ITGA9: variants seen among roughly 807,000 people sequenced by gnomAD.
The protein encoded by ITGA9 is integrin alpha-9.
Under a neutral mutation model 127.8 loss-of-function variants are expected in ITGA9, and 56 were observed. That is an observed-to-expected ratio of 0.44 (90% CI 0.35 to 0.55). The LOEUF (loss-of-function observed/expected upper bound fraction) is 0.55, where lower values mean the gene tolerates loss of function less well. Ranked by LOEUF, ITGA9 falls within the 20% of genes least tolerant of loss-of-function variation. The pLI is 0.00. For missense variants in ITGA9, 1,196 were observed against 1,347.1 expected, an observed-to-expected ratio of 0.89 and a Z score of 1.76; for synonymous variants, 508 against 514.5, an observed-to-expected ratio of 0.99 and a Z score of 0.17.
intron 20 of ITGA9, 150 bp downstream of exon 20, chr3:37,737,133 T>C (rs994273586): frequency 2.6e-5 from 18 of 686,952 alleles, no homozygotes; most frequent in Admixed American, 4.2e-5. Context: ...CAAAGTGGAA[T>C]TGGATTTCTT....
chr3:37,770,501 C>T (rs2685100), intron 23 of ITGA9, among the ~76,000 whole-genome samples: 84,506 of 151,966 alleles, frequency 0.56, 24,714 homozygotes, highest in African/African-American at 0.73. Flanking sequence ...AAGTGCCTGA[C>T]TGAGCCTACA....
chr3:37,618,374 TC>T (rs1700095326), intron 15 of ITGA9, among the ~76,000 whole-genome samples: 1 of 152,232 alleles, frequency 6.6e-6, no homozygotes, highest in Non-Finnish European at 1.5e-5. Context: ...CTGCCCCTAC[TC>T]GGGGATGCCT....
chr3:37,623,041 T>C (rs1700142312), intron 15 of ITGA9, among the ~76,000 whole-genome samples: 1 of 152,170 alleles, frequency 6.6e-6, no homozygotes, highest in African/African-American at 2.4e-5. Context: ...GATCTGGATA[T>C]TTCCTATTGA....
At chr3:37,496,206 A>G (rs78066672) in intron 5 of ITGA9, among the ~76,000 whole-genome samples, 7,262 of 152,294 alleles carry the variant, frequency 0.048, 480 homozygotes, top group South Asian at 0.2. Context: ...AAAGGCAGAA[A>G]GTCTGAAGTT....
intron 18 of ITGA9, among the ~76,000 whole-genome samples, chr3:37,724,189 A>T (rs1241237068): frequency 2.6e-5 from 4 of 152,076 alleles, no homozygotes; most frequent in Non-Finnish European, 4.4e-5. Context: ...GTGCTACCCT[A>T]TACTAGCCTT....
At chr3:37,787,110 T>G (rs760423218) in intron 26 of ITGA9, among the ~76,000 whole-genome samples, 1 of 152,152 alleles carries the variant, frequency 6.6e-6, no homozygotes, top group Non-Finnish European at 1.5e-5. Flanking sequence ...ACCTGGGAAG[T>G]GAAAAAGAAA....
At chr3:37,644,236 C>CA (rs769728085) in intron 16 of ITGA9, among the ~76,000 whole-genome samples, 4 of 152,206 alleles carry the variant, frequency 2.6e-5, no homozygotes, top group Non-Finnish European at 5.9e-5. Flanking sequence ...ACCAAGCAGT[C>CA]AGCCCTGCTC....
chr3:37,612,573 A>G (rs1700033678), intron 15 of ITGA9, among the ~76,000 whole-genome samples: 1 of 152,228 alleles, frequency 6.6e-6, no homozygotes. Context: ...AATTTCAGTT[A>G]GAGGTTAATA....
At chr3:37,810,657 C>T (rs1406443198) in intron 27 of ITGA9, among the ~76,000 whole-genome samples, 1 of 151,946 alleles carries the variant, frequency 6.6e-6, no homozygotes, top group Non-Finnish European at 1.5e-5. Context: ...CTCAAGTGAT[C>T]CACCCACCTT....
intron 1 of ITGA9, among the ~76,000 whole-genome samples, chr3:37,466,099 C>T (rs775837799): frequency 9.2e-5 from 14 of 152,124 alleles, no homozygotes; most frequent in Non-Finnish European, 1.9e-4. Context: ...CCGCAATGAG[C>T]CTAACCCAGC....
chr3:37,603,156 G>A lies in ITGA9; in HGVS notation c.1690-26031G>A, dbSNP rs57275491. On this transcript the variant is annotated intron_variant, in intron 15 of 27. Coordinates refer to ENST00000264741, the MANE Select transcript of ITGA9 (RefSeq NM_002207.3). ...GTATCTTTAAGGTCTAGGCCTTATC[G>A]AATGGGGTTTAGTCACTCAGTACAG... 4.0e-3 allele frequency among the ~76,000 whole-genome samples: 608 copies of A among 152,242 alleles called. 8 individuals are homozygous for A. The highest frequency in any genetic ancestry group is 0.013 in the African/African-American group (556 of 41,526).
chr3:37,484,640 CT>C (rs2125560370), intron 4 of ITGA9, among the ~76,000 whole-genome samples: 1 of 152,218 alleles, frequency 6.6e-6, no homozygotes, highest in East Asian at 1.9e-4. Context: ...CTGAGTTTTT[CT>C]TTCTAATCTG....
intron 15 of ITGA9, among the ~76,000 whole-genome samples, chr3:37,624,113 T>C (rs551203178): frequency 6.6e-6 from 1 of 152,076 alleles, no homozygotes; most frequent in African/African-American, 2.4e-5. Flanking sequence ...TTCTGCTTTA[T>C]TTACAAATTT....
At chr3:37,798,312 A>G (rs1427031185) in intron 26 of ITGA9, among the ~76,000 whole-genome samples, 1 of 152,232 alleles carries the variant, frequency 6.6e-6, no homozygotes, top group Non-Finnish European at 1.5e-5. Flanking sequence ...CATAATAAAC[A>G]TCATTTTCCC....
At chr3:37,487,081 A>G (rs1559518269) in intron 4 of ITGA9, among the ~76,000 whole-genome samples, 1 of 146,188 alleles carries the variant, frequency 6.8e-6, no homozygotes. Context: ...GTTTTGTTGT[A>G]TTTTTGTTTT....
Position 37,775,571 on chromosome 3 carries a change from A to T in ITGA9, c.2542-1821A>T, listed in dbSNP as rs1239663626. Among the ~76,000 whole-genome samples, 6 of 150,254 alleles carry T rather than the reference A, an allele frequency of 4.0e-5. No homozygotes were observed. The East Asian group carries it at 1.2e-3, about 30-fold the overall frequency. On this transcript the variant is annotated intron_variant, in intron 23 of 27. Coordinates refer to ENST00000264741, the MANE Select transcript of ITGA9 (RefSeq NM_002207.3). Reference sequence around the variant, plus strand: ...TGAGGCAGGAGAATGGCTTGAACCCAGGAGGCGGAGCTTGCAGTGAGCCAA... The same window carrying T: ...TGAGGCAGGAGAATGGCTTGAACCCTGGAGGCGGAGCTTGCAGTGAGCCAA...
chr3:37,539,963 C>T (rs1456779315), intron 14 of ITGA9, among the ~76,000 whole-genome samples: 1 of 152,208 alleles, frequency 6.6e-6, no homozygotes, highest in African/African-American at 2.4e-5. Flanking sequence ...GCTTGCCAGG[C>T]ACATGGACAG....
rs566377833 is a variant in ITGA9 at position 37,788,573 on chromosome 3, A to T, written c.2889+3495A>T. ...TCAAAGAGGATACAGTCTCCCAAAG[A>T]TCCCACAAGCAGTAATATATTAGGC... is the stretch of plus-strand genomic sequence containing the variant. On this transcript the variant is annotated intron_variant, in intron 26 of 27. Coordinates refer to ENST00000264741, the MANE Select transcript of ITGA9 (RefSeq NM_002207.3). Among the ~76,000 whole-genome samples, 6 of 152,272 alleles carry T rather than the reference A, an allele frequency of 3.9e-5. No individual in the cohort carries two copies. The East Asian group carries it at 1.2e-3, about 29-fold the overall frequency.
intron 15 of ITGA9, among the ~76,000 whole-genome samples, chr3:37,618,367 C>T (rs1700095219): frequency 6.6e-6 from 1 of 152,222 alleles, no homozygotes; most frequent in Non-Finnish European, 1.5e-5. Flanking sequence ...TGTCAGTCTG[C>T]CCCTACTCGG....
Sources: allele counts gnomAD v4.1 joint callset (sites outside exome capture counted in the v4.1 genomes callset), GRCh38; gene constraint gnomAD v4.1.1; transcripts MANE v1.5; gene names NCBI Gene and HGNC (gene_info 2026-07-23, HGNC 2026-07-21).